AAMDC: variants seen among roughly 807,000 people sequenced by gnomAD.
AAMDC encodes adipogenesis associated Mth938 domain containing.
A neutral mutation model predicts 15.5 loss-of-function variants in AAMDC; 16 were observed. The ratio of observed to expected loss-of-function variants is 1.03; its 90% confidence interval spans 0.70 to 1.57. The LOEUF is 1.57. Ranked by LOEUF, AAMDC falls within the 40% of genes most tolerant of loss-of-function variation. The probability of loss-of-function intolerance (pLI) is 0.00; values close to 1 mark genes in which losing one functional copy is unlikely to be tolerated. For missense variants in AAMDC, 141 were observed against 144.9 expected (o/e 0.97, Z 0.14); for synonymous variants, 51 against 51.6 (o/e 0.99, Z 0.05).
At chr11:77,899,832 T>C (rs1477345118) in intron 5 of AAMDC, among the ~76,000 whole-genome samples, 1 of 152,126 alleles carries the variant, frequency 6.6e-6, no homozygotes, top group East Asian at 1.9e-4. Flanking sequence ...CTTTATGTTA[T>C]TGTACACATC....
At chr11:77,863,574 A>G (rs1950977800) in intron 2 of AAMDC, among the ~76,000 whole-genome samples, 1 of 152,124 alleles carries the variant, frequency 6.6e-6, no homozygotes, top group Non-Finnish European at 1.5e-5. Flanking sequence ...ATTTTAGTAG[A>G]GACAGGGTTT....
chr11:77,868,631 A>C (rs1296744074), intron 2 of AAMDC: 1 of 151,332 alleles, frequency 6.6e-6, no homozygotes, highest in African/African-American at 2.5e-5. Context: ...GTGAGCCACC[A>C]TACCTGGCCA....
At chr11:77,900,175 C>G (rs1376283534) in intron 5 of AAMDC, among the ~76,000 whole-genome samples, 1 of 151,950 alleles carries the variant, frequency 6.6e-6, no homozygotes, top group East Asian at 1.9e-4. Flanking sequence ...TTTCGGCCCA[C>G]TGCAACCTCC....
chr11:77,829,154 G>T (rs1949308063), intron 1 of AAMDC, among the ~76,000 whole-genome samples: 1 of 152,070 alleles, frequency 6.6e-6, no homozygotes, highest in African/African-American at 2.4e-5. Flanking sequence ...TAATGTGATA[G>T]AACTGGTAAT....
chr11:77,891,212 C>T, intron 5 of AAMDC: 1 of 1,023,802 alleles, frequency 9.8e-7, no homozygotes, highest in Non-Finnish European at 1.4e-6. Flanking sequence ...CATTTCTTCT[C>T]CTGTCCCAGT....
At chr11:77,862,555 A>ATC (rs1407843705) in intron 2 of AAMDC, among the ~76,000 whole-genome samples, 2 of 152,078 alleles carry the variant, frequency 1.3e-5, no homozygotes, top group African/African-American at 2.4e-5. Context: ...CCCTTTGTCT[A>ATC]TCTCCTTTTG....
intron 3 of AAMDC, among the ~76,000 whole-genome samples, chr11:77,871,012 T>C (rs952834296): frequency 2.6e-5 from 4 of 152,102 alleles, no homozygotes; most frequent in Non-Finnish European, 5.9e-5. Context: ...GCTTTATATA[T>C]ATAGGGCACC....
intron 2 of AAMDC, among the ~76,000 whole-genome samples, chr11:77,864,062 G>A (rs916062403): frequency 6.6e-6 from 1 of 151,622 alleles, no homozygotes. Context: ...GAGTAGCTGG[G>A]ATTACAGGTG....
In AAMDC at chr11:77,842,740, T is replaced by C. The variant is rs1020910255; in HGVS notation, c.132+112T>C. ...ATTTCTCTTGTGTCTTTTTGAGATA[T>C]AATTCATATACCATTAAATTCACCC... On this transcript the variant is annotated intron_variant, in intron 2 of 3. Transcript: ENST00000393427. 1.1e-5 allele frequency: 16 copies of C among 1,413,846 alleles called. No individual in the cohort carries two copies. The African/African-American group carries it at 1.7e-4, about 15-fold the overall frequency. The allele number at this position is 1,413,846 out of a possible 1,614,324, so 87.6% of individuals were successfully genotyped here. A position where few individuals can be genotyped will look rare whatever the true frequency, so the allele number is the denominator to read the frequency against.
intron 5 of AAMDC, among the ~76,000 whole-genome samples, chr11:77,892,816 C>T (rs1952333799): frequency 6.6e-6 from 1 of 152,166 alleles, no homozygotes; most frequent in Non-Finnish European, 1.5e-5. Context: ...AACTCCTGAC[C>T]TCGTGATCCA....
At chr11:77,889,334 G>A (rs1486936062) in intron 5 of AAMDC, among the ~76,000 whole-genome samples, 1 of 150,224 alleles carries the variant, frequency 6.7e-6, no homozygotes. Flanking sequence ...CTCATAGGTG[G>A]GAACTGAACA....
At chr11:77,891,971 A>G (rs1952290154) in intron 5 of AAMDC, 1 of 1,441,296 alleles carries the variant, frequency 6.9e-7, no homozygotes. Flanking sequence ...GTTTACGACC[A>G]AGATAGACTG....
In AAMDC at chr11:77,863,080, GGC is replaced by G. The variant is rs1187964135; in HGVS notation, c.133-6641_133-6640del. 3.3e-5 allele frequency among the ~76,000 whole-genome samples: 5 copies of G among 152,062 alleles called. No homozygotes were observed. In the East Asian group the frequency reaches 9.7e-4, roughly 29 times the overall value. Reference sequence around the variant, plus strand: ...TCGTGTTCTCTGACCAAGGGTGCTTGGCCTCACGGATTCCAAGGAATGGAATC... The same window carrying G: ...TCGTGTTCTCTGACCAAGGGTGCTTGCTCACGGATTCCAAGGAATGGAATC... On this transcript the variant is annotated intron_variant, in intron 2 of 3. Coordinates refer to ENST00000393427, the MANE Select transcript of AAMDC (RefSeq NM_024684.4).
In AAMDC at chr11:77,842,581, T is replaced by C; in HGVS notation, c.85T>C (p.Trp29Arg). Reference sequence around the variant, plus strand: ...TACAACCTATAAGGACTGCAAAGTATGGCCAGGGGGTAGTCGGACTTGGGA... The same window carrying C: ...TACAACCTATAAGGACTGCAAAGTACGGCCAGGGGGTAGTCGGACTTGGGA... ...SNTTYKDCKVWPGGSRTWDWR... is the reference protein window; with the variant it reads ...SNTTYKDCKVRPGGSRTWDWR... Residue 29 changes from tryptophan (W) to arginine (R), a missense_variant, in exon 2 of 4, where the codon TGG (tryptophan) becomes CGG (arginine). Transcript: ENST00000393427. The C allele has an allele frequency of 6.2e-7, 1 of 1,614,072 alleles. No individual in the cohort carries two copies. Among genetic ancestry groups the C allele is most frequent in the Non-Finnish European group, 8.5e-7 (1 of 1,179,982 alleles).
chr11:77,859,941 A>T (rs1212378371), intron 2 of AAMDC, among the ~76,000 whole-genome samples: 12 of 152,242 alleles, frequency 7.9e-5, no homozygotes. Flanking sequence ...ACATCATGAG[A>T]TCACAGTAAG....
At chr11:77,837,870 C>T (rs1334875869) in intron 1 of AAMDC, among the ~76,000 whole-genome samples, 1 of 151,978 alleles carries the variant, frequency 6.6e-6, no homozygotes, top group Non-Finnish European at 1.5e-5. Context: ...ACATGGGCAA[C>T]ATAGTGAGAC....
chr11:77,879,352 G>A (rs559230002), intron 5 of AAMDC, among the ~76,000 whole-genome samples: 4 of 152,322 alleles, frequency 2.6e-5, no homozygotes, highest in African/African-American at 9.6e-5. Flanking sequence ...CAAAGCTGCT[G>A]AGGCAACTGG....
chr11:77,833,647 T>G (rs762499752), intron 1 of AAMDC, among the ~76,000 whole-genome samples: 10 of 152,322 alleles, frequency 6.6e-5, no homozygotes, highest in Middle Eastern at 6.8e-3. Flanking sequence ...TCTATGAATC[T>G]TCTCAGAGTT....
intron 5 of AAMDC, among the ~76,000 whole-genome samples, chr11:77,888,937 G>C (rs1304102135): frequency 6.6e-6 from 1 of 152,196 alleles, no homozygotes; most frequent in Non-Finnish European, 1.5e-5. Flanking sequence ...ACGTGCTGGA[G>C]AGGATGTGGA....
Sources: allele counts gnomAD v4.1 joint callset (sites outside exome capture counted in the v4.1 genomes callset), GRCh38; gene constraint gnomAD v4.1.1; transcripts MANE v1.5; gene names NCBI Gene and HGNC (gene_info 2026-07-23, HGNC 2026-07-21).